Variants in BRD7 observed in about 807,000 individuals in gnomAD.
The protein encoded by BRD7 is bromodomain containing 7, also known as bromodomain-containing protein 7.
In BRD7, 15 loss-of-function variants were observed where a neutral mutation model predicts 82.1. That is an observed-to-expected ratio of 0.18 (90% CI 0.12 to 0.28). The LOEUF is 0.28. BRD7 is among the 10% of genes least tolerant of loss of function. BRD7 has a pLI of 1.00. For missense variants in BRD7, 638 were observed against 779.9 expected, an observed-to-expected ratio of 0.82 and a Z score of 2.17; for synonymous variants, 232 against 266.9, an observed-to-expected ratio of 0.87 and a Z score of 1.27.
At chr16:50,322,130 G>T in intron 12 of BRD7, 92 bp from the exon 13 acceptor site, 1 of 987,104 alleles carries the variant, frequency 1.0e-6, no homozygotes. Context: ...CTTGGCAAGA[G>T]AAAATGAATA....
At chr16:50,347,440 T>C (rs2038332635) in intron 5 of BRD7, among the ~76,000 whole-genome samples, 1 of 152,048 alleles carries the variant, frequency 6.6e-6, no homozygotes, top group Non-Finnish European at 1.5e-5. Context: ...AAATAAAGGG[T>C]ATTCAATTAG....
chr16:50,320,740 G>A lies in BRD7; in HGVS notation c.1535C>T (p.Ser512Phe). 1 of 1,614,136 alleles carries A rather than the reference G, an allele frequency of 6.2e-7. No individual in the cohort carries two copies. Among genetic ancestry groups the A allele is most frequent in the Non-Finnish European group, 8.5e-7 (1 of 1,180,002 alleles). Reference sequence around the variant, plus strand: ...CGCTATGAGCCTGTCTTGAGTACTGGAGTCCAAACGCCCTGGTGGCTCTAC... The same window carrying A: ...CGCTATGAGCCTGTCTTGAGTACTGAAGTCCAAACGCCCTGGTGGCTCTAC... ...TEVEPPGRLD[S>F]STQDRLIALK... The change falls in exon 14 of 17, where the codon TCC becomes TTC. Residue 512 changes from serine to phenylalanine, a missense_variant. Ser to Phe is a radical substitution (Grantham distance 155). Coordinates refer to ENST00000394688, the MANE Select transcript of BRD7 (RefSeq NM_013263.5).
intron 9 of BRD7, among the ~76,000 whole-genome samples, chr16:50,326,744 A>G (rs2037356778): frequency 6.6e-6 from 1 of 152,242 alleles, no homozygotes; most frequent in Non-Finnish European, 1.5e-5. Flanking sequence ...AAAGGTTAGT[A>G]AAAGACTGAG....
chr16:50,332,204 G>A (rs1278646581), intron 8 of BRD7, among the ~76,000 whole-genome samples: 4 of 152,212 alleles, frequency 2.6e-5, no homozygotes, highest in South Asian at 2.1e-4. Flanking sequence ...GAAACATCCC[G>A]CAGAACGGGA....
chr16:50,363,668 C>CGCGCAT, intron 2 of BRD7, among the ~76,000 whole-genome samples: 1 of 53,946 alleles, frequency 1.9e-5, no homozygotes, highest in African/African-American at 3.5e-5. Context: ...TGTGCGCGCG[C>CGCGCAT]GCGCGTGCGC....
At chr16:50,368,630 G>A (rs2039249919) in intron 1 of BRD7, 96 bp downstream of exon 1, 1 of 1,336,300 alleles carries the variant, frequency 7.5e-7, no homozygotes, top group Non-Finnish European at 1.0e-6. Flanking sequence ...GCCGTGGGAA[G>A]GAAGGGCCCC....
chr16:50,348,238 TAC>T (rs1369793400), intron 5 of BRD7, among the ~76,000 whole-genome samples: 3 of 152,200 alleles, frequency 2.0e-5, no homozygotes, highest in Non-Finnish European at 2.9e-5. Context: ...ATCCCTTCCT[TAC>T]ACCTTATACA....
intron 16 of BRD7, among the ~76,000 whole-genome samples, 178 bp from the exon 17 acceptor site, chr16:50,319,444 A>T (rs2036972430): frequency 1.3e-5 from 2 of 152,222 alleles, no homozygotes; most frequent in Non-Finnish European, 2.9e-5. Flanking sequence ...GCACACAGGA[A>T]ATCTTTATTA....
intron 2 of BRD7, among the ~76,000 whole-genome samples, chr16:50,365,286 A>C (rs1288369519): frequency 6.6e-6 from 1 of 152,210 alleles, no homozygotes; most frequent in African/African-American, 2.4e-5. Flanking sequence ...GGAGAGGAGG[A>C]TTTTTCTCTG....
At chr16:50,338,117 T>C (rs1422314396) in intron 6 of BRD7, among the ~76,000 whole-genome samples, 1 of 152,190 alleles carries the variant, frequency 6.6e-6, no homozygotes, top group African/African-American at 2.4e-5. Context: ...AAGGCTGCAT[T>C]TGACAAATGC....
At chr16:50,339,881 TA>T in intron 6 of BRD7, 94 bp downstream of exon 6, 1 of 579,150 alleles carries the variant, frequency 1.7e-6, no homozygotes, top group Non-Finnish European at 2.8e-6. Context: ...GCTAATAAAA[TA>T]AAATCAATAC....
intron 6 of BRD7, among the ~76,000 whole-genome samples, 196 bp downstream of exon 6, chr16:50,339,780 C>G (rs1332661319): frequency 6.6e-6 from 1 of 152,078 alleles, no homozygotes. Context: ...TGTATTGATT[C>G]CAAGTAAGAA....
rs2039237632 is a variant in BRD7, at chr16:50,368,444, C to T, written c.50-146G>A. 1.2e-5 allele frequency: 11 copies of T among 946,126 alleles called. 1 individual carries two copies. The Admixed American group carries it at 2.9e-4, about 25-fold the overall frequency. The allele number at this position is 946,126 out of a possible 1,614,324, so 58.6% of individuals were successfully genotyped here. A position where few individuals can be genotyped will look rare whatever the true frequency, so the allele number is the denominator to read the frequency against. On this transcript the variant is annotated intron_variant, in intron 1 of 16. Coordinates refer to ENST00000394688, the MANE Select transcript of BRD7 (RefSeq NM_013263.5). The stretch of plus-strand genomic sequence containing the variant: ...GAAGCACCTGTTGAATGACGGACCC[C>T]GGCCCGGGGGTGCGGCGGCGCCGCC...
chr16:50,363,461 G>T (rs1241051972), intron 2 of BRD7, among the ~76,000 whole-genome samples: 2 of 152,158 alleles, frequency 1.3e-5, no homozygotes, highest in African/African-American at 2.4e-5. Flanking sequence ...GGAAACCAAA[G>T]CACGTTGTAC....
rs1325380799 is a variant in BRD7, at chr16:50,368,614, G to C, written c.49+112C>G. On this transcript the variant is annotated intron_variant, in intron 1 of 16. Transcript: ENST00000394688. ...CAGGACGCGCCCCCTTCGCCGGCCT[G>C]GGCCTGCCGTGGGAAGGAAGGGCCC... is the stretch of plus-strand genomic sequence containing the variant. The C allele has an allele frequency of 9.4e-6, 11 of 1,173,400 alleles. No individual in the cohort carries two copies. In the African/African-American group the frequency reaches 9.7e-5, roughly 10 times the overall value. The allele number at this position is 1,173,400 out of a possible 1,614,324, so 72.7% of individuals were successfully genotyped here.
chr16:50,368,243 G>C lies in BRD7; in HGVS notation c.105C>G (p.Thr35=). 1 of 1,614,154 alleles carries C rather than the reference G, an allele frequency of 6.2e-7. No homozygotes were observed. Among genetic ancestry groups the C allele is most frequent in the Non-Finnish European group, 8.5e-7 (1 of 1,180,016 alleles). The change falls in exon 2 of 17, where the codon ACC becomes ACG. Residue 35 remains threonine, a synonymous_variant. Transcript: ENST00000394688. ...GCCCCGAGCTGCCCGTGGAGAGTTCGGTGACTTCGTTCCCTCCTACTTTGA... is the reference window on the plus strand; with the variant it reads ...GCCCCGAGCTGCCCGTGGAGAGTTCCGTGACTTCGTTCCCTCCTACTTTGA... ...LVLKVGGNEV[T]ELSTGSSGHD... is the part of the protein sequence containing the mutation.
chr16:50,320,097 C>T, intron 15 of BRD7, 67 bp from the exon 16 acceptor site: 2 of 1,544,334 alleles, frequency 1.3e-6, no homozygotes, highest in Non-Finnish European at 1.7e-6. Context: ...TCCCAAAGAA[C>T]AGTAAATGTA....
intron 5 of BRD7, among the ~76,000 whole-genome samples, chr16:50,345,811 A>G (rs1351978385): frequency 1.3e-5 from 2 of 152,274 alleles, no homozygotes; most frequent in East Asian, 1.9e-4. Flanking sequence ...CTCACACGCA[A>G]TAATAATGCA....
At chr16:50,321,156 T>G (rs2037082715) in intron 13 of BRD7, among the ~76,000 whole-genome samples, 2 of 152,250 alleles carry the variant, frequency 1.3e-5, no homozygotes, top group African/African-American at 2.4e-5. Flanking sequence ...CTATTTCATA[T>G]TTCAGTCCAT....
Sources: gnomAD v4.1 joint callset for allele counts (sites outside exome capture counted in the v4.1 genomes callset) on GRCh38, gnomAD v4.1.1 for gene constraint, MANE v1.5 for transcripts, NCBI Gene and HGNC (gene_info 2026-07-23, HGNC 2026-07-21) for gene names.